The following GPC5 variants were observed in gnomAD, a reference collection of about 807,000 sequenced individuals.
GPC5 encodes glypican 5, also known as glypican-5.
Under a neutral mutation model 53.9 loss-of-function variants are expected in GPC5, and 47 were observed. The ratio of observed to expected loss-of-function variants is 0.87; its 90% CI spans 0.69 to 1.11. The LOEUF (loss-of-function observed/expected upper bound fraction) is 1.11, where lower values mean the gene tolerates loss of function less well. Ranked by LOEUF, GPC5 falls within the 50% of genes most tolerant of loss-of-function variation. The pLI is 0.00. For synonymous variants in GPC5, 286 were observed against 263.3 expected (o/e 1.09, Z -0.84); for missense variants, 748 against 713.1 (o/e 1.05, Z -0.56).
At chr13:91,777,107 C>T (rs9523412) in intron 5 of GPC5, among the ~76,000 whole-genome samples, 55,491 of 151,994 alleles carry the variant, frequency 0.37, 11,823 homozygotes, top group East Asian at 0.65. Context: ...GATTTCCTTT[C>T]TTCCTCCTCC....
At chr13:92,746,159 C>T (rs1200192051) in intron 7 of GPC5, among the ~76,000 whole-genome samples, 2 of 152,096 alleles carry the variant, frequency 1.3e-5, no homozygotes, top group Non-Finnish European at 2.9e-5. Flanking sequence ...TTCAGCTGTA[C>T]ATCTAACTTG....
At chr13:91,977,956 AAAG>A (rs199865608) in intron 6 of GPC5, among the ~76,000 whole-genome samples, 75,092 of 137,030 alleles carry the variant, frequency 0.55, 20,044 homozygotes, top group East Asian at 0.75. Flanking sequence ...CTAAAAGAAA[AAAG>A]AAAGAAAGAA....
intron 7 of GPC5, among the ~76,000 whole-genome samples, chr13:92,260,611 T>C (rs80299026): frequency 0.011 from 1,633 of 152,266 alleles, 17 homozygotes; most frequent in Non-Finnish European, 0.017. Flanking sequence ...CCTCTTGTCA[T>C]GTCTGCAACT....
chr13:91,543,799 G>T (rs1477983128), intron 2 of GPC5, among the ~76,000 whole-genome samples: 3 of 152,114 alleles, frequency 2.0e-5, no homozygotes, highest in Non-Finnish European at 1.5e-5. Context: ...AAGAGATAGA[G>T]ACTCTTGGCA....
At chr13:92,499,658 C>T (rs2138929342) in intron 7 of GPC5, among the ~76,000 whole-genome samples, 1 of 152,196 alleles carries the variant, frequency 6.6e-6, no homozygotes, top group Middle Eastern at 3.4e-3. Flanking sequence ...CATAAAGTGC[C>T]AGAATCAATA....
At chr13:92,664,467 C>A (rs1340065131) in intron 7 of GPC5, among the ~76,000 whole-genome samples, 1 of 151,272 alleles carries the variant, frequency 6.6e-6, no homozygotes, top group Non-Finnish European at 1.5e-5. Flanking sequence ...TCCATGTTGA[C>A]AATACATTAT....
At chr13:92,427,339 G>A (rs1330997581) in intron 7 of GPC5, among the ~76,000 whole-genome samples, 2 of 148,588 alleles carry the variant, frequency 1.3e-5, no homozygotes, top group Non-Finnish European at 3.0e-5. Flanking sequence ...CGAGATAACT[G>A]GCTCTCCCAG....
chr13:91,808,063 T>C (rs1425151237), intron 5 of GPC5, among the ~76,000 whole-genome samples: 1 of 152,146 alleles, frequency 6.6e-6, no homozygotes, highest in Non-Finnish European at 1.5e-5. Flanking sequence ...ATGAACCACA[T>C]TATCTATTAC....
intron 6 of GPC5, among the ~76,000 whole-genome samples, chr13:92,089,355 A>G (rs2041361056): frequency 1.3e-5 from 2 of 152,256 alleles, no homozygotes; most frequent in Admixed American, 1.3e-4. Context: ...AATGGCGTGA[A>G]CCTGGGAGGC....
At chr13:92,399,351 G>T (rs762473509) in intron 7 of GPC5, among the ~76,000 whole-genome samples, 1 of 152,110 alleles carries the variant, frequency 6.6e-6, no homozygotes, top group Non-Finnish European at 1.5e-5. Context: ...AACAATCTAC[G>T]ACAGGACTAT....
At chr13:91,837,502 G>T (rs1304963363) in intron 5 of GPC5, among the ~76,000 whole-genome samples, 1 of 152,002 alleles carries the variant, frequency 6.6e-6, no homozygotes, top group Non-Finnish European at 1.5e-5. Flanking sequence ...GGCCACAGGG[G>T]AAACATTAAA....
intron 7 of GPC5, among the ~76,000 whole-genome samples, chr13:92,623,342 TG>T (rs1326042676): frequency 2.6e-5 from 4 of 152,188 alleles, no homozygotes; most frequent in Non-Finnish European, 5.9e-5. Flanking sequence ...TAAATATTTT[TG>T]GAACATAGGC....
chr13:91,642,534 T>C (rs2034454954), intron 2 of GPC5, among the ~76,000 whole-genome samples: 1 of 151,986 alleles, frequency 6.6e-6, no homozygotes, highest in Non-Finnish European at 1.5e-5. Context: ...GAGATCAACA[T>C]TGTCAGCCAC....
chr13:91,556,721 A>T (rs1048450957), intron 2 of GPC5, among the ~76,000 whole-genome samples: 2 of 152,012 alleles, frequency 1.3e-5, no homozygotes, highest in South Asian at 2.1e-4. Flanking sequence ...ACTCAGGAGT[A>T]AAAAACCAAA....
At chr13:92,049,144 A>C (rs553542421) in intron 6 of GPC5, among the ~76,000 whole-genome samples, 2 of 152,294 alleles carry the variant, frequency 1.3e-5, no homozygotes, top group South Asian at 4.1e-4. Flanking sequence ...CTTCAAGAGC[A>C]ACTAAAAATG....
At chr13:91,736,009 T>A (rs74104996) in intron 4 of GPC5, among the ~76,000 whole-genome samples, 2,230 of 151,432 alleles carry the variant, frequency 0.015, 142 homozygotes, top group African/African-American at 0.042. Flanking sequence ...GAAAACACAT[T>A]GTGCAGAATG....
intron 7 of GPC5, among the ~76,000 whole-genome samples, chr13:92,272,113 G>A (rs1368596897): frequency 6.6e-6 from 1 of 152,108 alleles, no homozygotes; most frequent in Non-Finnish European, 1.5e-5. Flanking sequence ...CTCTAAACTA[G>A]TTAGTAAGTT....
At chr13:91,477,587 A>G (rs1224713170) in intron 2 of GPC5, among the ~76,000 whole-genome samples, 1 of 152,240 alleles carries the variant, frequency 6.6e-6, no homozygotes, top group East Asian at 1.9e-4. Flanking sequence ...TGGAATACCC[A>G]TAAAAGAGAG....
intron 7 of GPC5, among the ~76,000 whole-genome samples, chr13:92,854,906 A>G (rs993346714): frequency 6.6e-6 from 1 of 151,872 alleles, no homozygotes. Context: ...ACATTTGTCT[A>G]TTTTTATTTT....
Sources: allele counts gnomAD v4.1 joint callset (sites outside exome capture counted in the v4.1 genomes callset), GRCh38; gene constraint gnomAD v4.1.1; transcripts MANE v1.5; gene names NCBI Gene and HGNC (gene_info 2026-07-23, HGNC 2026-07-21).